Variants in GALNT17 observed in about 807,000 individuals in gnomAD.
The protein encoded by GALNT17 is polypeptide N-acetylgalactosaminyltransferase 17.
Under a neutral mutation model 63.7 loss-of-function variants are expected in GALNT17, and 29 were observed. The observed-to-expected ratio is 0.46, with a 90% confidence interval of 0.34 to 0.62. The LOEUF is 0.62. Ranked by LOEUF, GALNT17 falls within the 20% of genes least tolerant of loss-of-function variation. The pLI, the probability that GALNT17 is intolerant of heterozygous loss-of-function variation, is 0.01. For missense variants in GALNT17, 603 were observed against 799.6 expected (o/e 0.75, Z 2.97); for synonymous variants, 305 against 318.3 (o/e 0.96, Z 0.45).
chr7:71,414,097 C>T (rs1419896195), intron 3 of GALNT17, among the ~76,000 whole-genome samples: 1 of 151,876 alleles, frequency 6.6e-6, no homozygotes, highest in African/African-American at 2.4e-5. Context: ...CAAAATTAGC[C>T]GGCTGTGGTG....
At chr7:71,367,169 A>G (rs1792527838) in intron 2 of GALNT17, among the ~76,000 whole-genome samples, 1 of 152,218 alleles carries the variant, frequency 6.6e-6, no homozygotes, top group African/African-American at 2.4e-5. Context: ...TGTCTCTTGT[A>G]AAACCACTGC....
chr7:71,503,502 G>A (rs575428271), intron 5 of GALNT17, among the ~76,000 whole-genome samples: 2 of 152,130 alleles, frequency 1.3e-5, no homozygotes, highest in Non-Finnish European at 2.9e-5. Flanking sequence ...CTCCCAAAGT[G>A]CTAGAATTAC....
At chr7:71,520,204 C>G (rs1276302163) in intron 5 of GALNT17, among the ~76,000 whole-genome samples, 3 of 152,048 alleles carry the variant, frequency 2.0e-5, no homozygotes, top group Non-Finnish European at 4.4e-5. Context: ...CGTGGGCTCT[C>G]CAAGGATGCT....
rs375148791 is a variant in GALNT17 at position 71,303,643 on chromosome 7, G to A, written c.239-31907G>A. 7.2e-5 allele frequency among the ~76,000 whole-genome samples: 11 copies of A among 152,018 alleles called. No homozygotes were observed. The East Asian group carries it at 1.9e-3, about 27-fold the overall frequency. ...AGTGATTACTAATACTCAGCACGTCGACCTGTTGCTTGGAAGTGATTTACG... is the reference window on the plus strand; with the variant it reads ...AGTGATTACTAATACTCAGCACGTCAACCTGTTGCTTGGAAGTGATTTACG... On this transcript the variant is annotated intron_variant, in intron 1 of 10. Transcript: ENST00000333538.
At chr7:71,493,779 A>T (rs145414930) in intron 5 of GALNT17, among the ~76,000 whole-genome samples, 121 of 152,226 alleles carry the variant, frequency 7.9e-4, no homozygotes, top group Admixed American at 2.1e-3. Flanking sequence ...CCACTTCTCC[A>T]TCCTTCTCCT....
chr7:71,540,784 C>T (rs551999153), intron 5 of GALNT17, among the ~76,000 whole-genome samples: 2 of 152,306 alleles, frequency 1.3e-5, no homozygotes, highest in South Asian at 4.1e-4. Flanking sequence ...GAGATTCAAA[C>T]TGCCCCTGAT....
intron 6 of GALNT17, among the ~76,000 whole-genome samples, chr7:71,641,446 A>G (rs1323222175): frequency 8.5e-5 from 13 of 152,176 alleles, no homozygotes; most frequent in Admixed American, 7.9e-4. Context: ...ACAGAAATTG[A>G]TTTCTCACAG....
intron 6 of GALNT17, among the ~76,000 whole-genome samples, chr7:71,600,861 C>A (rs1789957173): frequency 6.6e-6 from 1 of 151,862 alleles, no homozygotes; most frequent in African/African-American, 2.4e-5. Context: ...GTGCACCCAT[C>A]ACCCAAGCAG....
rs138468560 is a variant in GALNT17, at chr7:71,153,498, T to C, written c.238+20458T>C. ...TGGATCAGAAAGGTAGAGTCGATGATGGAAAGTCTGTTTTCATGTAAACAG... is the reference window on the plus strand; with the variant it reads ...TGGATCAGAAAGGTAGAGTCGATGACGGAAAGTCTGTTTTCATGTAAACAG... On this transcript the variant is annotated intron_variant, in intron 1 of 10. Coordinates refer to ENST00000333538, the MANE Select transcript of GALNT17 (RefSeq NM_022479.3). 9.3e-3 allele frequency among the ~76,000 whole-genome samples: 1,414 copies of C among 152,226 alleles called. 12 individuals carry two copies. Among genetic ancestry groups the C allele is most frequent in the African/African-American group, 0.032 (1,339 of 41,534 alleles).
At chr7:71,682,618 C>T (rs1036737733) in intron 9 of GALNT17, among the ~76,000 whole-genome samples, 6 of 151,964 alleles carry the variant, frequency 3.9e-5, no homozygotes, top group African/African-American at 1.2e-4. Context: ...AATCATAGCT[C>T]ACTGCAGCCT....
intron 2 of GALNT17, among the ~76,000 whole-genome samples, chr7:71,349,230 T>TC (rs767485628): frequency 0.15 from 23,093 of 152,152 alleles, 2,544 homozygotes; most frequent in African/African-American, 0.32. Context: ...CACGGTGCTT[T>TC]CGTAACAAGC....
At chr7:71,679,395 T>TA (rs991049101) in intron 9 of GALNT17, among the ~76,000 whole-genome samples, 1 of 150,576 alleles carries the variant, frequency 6.6e-6, no homozygotes, top group Admixed American at 6.6e-5. Context: ...CCTTGTCTCT[T>TA]AAAAAAAGAA....
chr7:71,187,348 C>G (rs1282288829), intron 1 of GALNT17, among the ~76,000 whole-genome samples: 1 of 150,026 alleles, frequency 6.7e-6, no homozygotes. Context: ...TCTCAAATTC[C>G]TGGCCTCAAG....
intron 2 of GALNT17, among the ~76,000 whole-genome samples, chr7:71,371,558 A>G (rs1433982059): frequency 2.0e-5 from 3 of 152,106 alleles, no homozygotes; most frequent in Non-Finnish European, 4.4e-5. Flanking sequence ...ATTGCTGTAA[A>G]TGACTTTTTT....
In GALNT17 at chr7:71,710,805, G is replaced by A. The variant is rs1406898784; in HGVS notation, c.1545G>A (p.Leu515=). ...TKEGFLHLGA[L]GTTTLLPDTR... ...AAGGCTTCCTGCACTTGGGTGCCCTGGGGACCACCACACTCCTCCCTGACA... is the reference window on the plus strand; with the variant it reads ...AAGGCTTCCTGCACTTGGGTGCCCTAGGGACCACCACACTCCTCCCTGACA... Residue 515 remains leucine (L), a synonymous_variant, in exon 10 of 11, where the codon CTG becomes CTA. Transcript: ENST00000333538. 2.5e-6 allele frequency: 4 copies of A among 1,613,354 alleles called. No individual in the cohort carries two copies. The highest frequency in any genetic ancestry group is 3.4e-6 in the Non-Finnish European group (4 of 1,179,934).
intron 6 of GALNT17, among the ~76,000 whole-genome samples, chr7:71,609,026 C>T (rs1454281074): frequency 1.3e-5 from 2 of 151,776 alleles, no homozygotes; most frequent in African/African-American, 4.8e-5. Context: ...AGTGATCCTC[C>T]CATTACAGCC....
At chr7:71,677,637 C>A (rs1791173116) in intron 9 of GALNT17, among the ~76,000 whole-genome samples, 1 of 151,930 alleles carries the variant, frequency 6.6e-6, no homozygotes, top group African/African-American at 2.4e-5. Context: ...GCCTCAGCCT[C>A]CAGAGTAGCT....
chr7:71,708,135 T>G (rs1791746300), intron 9 of GALNT17, among the ~76,000 whole-genome samples: 1 of 152,208 alleles, frequency 6.6e-6, no homozygotes, highest in Non-Finnish European at 1.5e-5. Context: ...CCCATGAATT[T>G]TTTGTTTGCA....
chr7:71,621,531 A>ATGGG (rs1790291574), intron 6 of GALNT17, among the ~76,000 whole-genome samples: 2 of 104,708 alleles, frequency 1.9e-5, no homozygotes, highest in South Asian at 7.3e-4. Context: ...GGATGGATGG[A>ATGGG]TGGATTGATG....
Sources: gnomAD v4.1 joint callset for allele counts (sites outside exome capture counted in the v4.1 genomes callset) on GRCh38, gnomAD v4.1.1 for gene constraint, MANE v1.5 for transcripts, NCBI Gene and HGNC (gene_info 2026-07-23, HGNC 2026-07-21) for gene names.